Variants in ATP8B2 observed in about 807,000 individuals in gnomAD.
ATP8B2 encodes phospholipid-transporting ATPase ID.
A neutral mutation model predicts 133.4 loss-of-function variants in ATP8B2; 70 were observed. That is an observed-to-expected ratio of 0.52 (90% CI 0.43 to 0.64). The LOEUF is 0.64. Ranked by LOEUF, ATP8B2 falls within the 30% of genes least tolerant of loss-of-function variation. The pLI, the probability that ATP8B2 is intolerant of heterozygous loss-of-function variation, is 0.00. For synonymous variants in ATP8B2, 517 were observed against 589.5 expected, an observed-to-expected ratio of 0.88 and a Z score of 1.78; for missense variants, 1,101 against 1,535.7, an observed-to-expected ratio of 0.72 and a Z score of 4.73.
At chr1:154,329,930 G>A (rs1432964999) in intron 2 of ATP8B2, among the ~76,000 whole-genome samples, 1 of 152,132 alleles carries the variant, frequency 6.6e-6, no homozygotes, top group African/African-American at 2.4e-5. Flanking sequence ...CCTCCTTCTT[G>A]CCACCTACCC....
rs1394067706 is a variant in ATP8B2 at position 154,340,986 on chromosome 1, C to A, written c.1167C>A (p.Ile389=). 2 of 1,614,230 alleles carry A rather than the reference C, an allele frequency of 1.2e-6. No individual in the cohort carries two copies. Residue 389 remains isoleucine, a synonymous_variant, in exon 13 of 28, where the codon ATC becomes ATA. Coordinates refer to ENST00000368489, the MANE Select transcript of ATP8B2 (RefSeq NM_001370597.1). The surrounding 1 kb of genome is among the most constrained non-coding windows in gnomAD (Gnocchi z 4.0). ...AGGAGCTGGGCCAGGTGGAGTACAT[C>A]TTCTCCGACAAGACGGGCACCCTCA... is the stretch of plus-strand genomic sequence containing the variant. ...LNEELGQVEY[I]FSDKTGTLTQ...
rs148664360 is a variant in ATP8B2 at position 154,349,023 on chromosome 1, C to T, written c.3478C>T (p.Arg1160Cys). 22 of 1,614,232 alleles carry T rather than the reference C, an allele frequency of 1.4e-5. No homozygotes were observed. The highest frequency in any genetic ancestry group is 3.3e-4 in the Middle Eastern group (2 of 6,060). ...TCTCGCGCTCTCCAGCTTCACCACC[C>T]GCTCCAGCTCCAGCTGGATTGAGAG... is the stretch of plus-strand genomic sequence containing the variant. ...SSLALSSFTT[R>C]SSSSWIESLR... The change falls in exon 28 of 28, where the codon CGC (arginine) becomes TGC (cysteine). Residue 1160 changes from arginine (R) to cysteine (C), a missense_variant. By Grantham distance (180) the Arg-to-Cys change is radical. Coordinates refer to ENST00000368489, the MANE Select transcript of ATP8B2 (RefSeq NM_001370597.1).
rs779818181 is a variant in ATP8B2, at chr1:154,344,957, T to C, written c.2287-14T>C. 2 of 1,602,974 alleles carry C rather than the reference T, an allele frequency of 1.2e-6. No homozygotes were observed. The highest frequency in any genetic ancestry group is 2.7e-5 in the African/African-American group (2 of 74,650). ...CTGGAAAGACTGGCTCTCTCAGGTT[T>C]CTCTGTGCTCCAGGCCCACGCACTG... On this transcript the variant is annotated splice_polypyrimidine_tract_variant and intron_variant, in intron 21 of 27. Coordinates refer to ENST00000368489, the MANE Select transcript of ATP8B2 (RefSeq NM_001370597.1). This position sits in a 1 kb window ranked among gnomAD's most constrained non-coding sequence, Gnocchi z 4.1.
At chr1:154,341,324 A>C in intron 13 of ATP8B2, 1 of 509,596 alleles carries the variant, frequency 2.0e-6, no homozygotes, top group Non-Finnish European at 3.6e-6. Context: ...ATCCCTACAA[A>C]AAATTTAAAA....
At position 154,346,858 on chromosome 1, in the gene ATP8B2, C is replaced by T; in HGVS notation, c.3163+100C>T. 7.7e-7 allele frequency: 1 copy of T among 1,307,028 alleles called. No individual in the cohort carries two copies. Among genetic ancestry groups the T allele is most frequent in the Non-Finnish European group, 1.1e-6 (1 of 950,644 alleles). The allele number at this position is 1,307,028 out of a possible 1,614,324, so 81.0% of individuals were successfully genotyped here. A position where few individuals can be genotyped will look rare whatever the true frequency, so the allele number is the denominator to read the frequency against. On this transcript the variant is annotated intron_variant, in intron 26 of 27. Transcript: ENST00000368489. This position sits in a 1 kb window ranked among gnomAD's most constrained non-coding sequence, Gnocchi z 4.5. ...TGCACATTCAACATTTCTTATGTGC[C>T]AAGTATTCTGTTTATTTTATTTATT...
Position 154,330,456 on chromosome 1 carries a change from T to C in ATP8B2, c.90+2T>C. On this transcript the variant is annotated splice_donor_variant, in intron 3 of 27. Coordinates refer to ENST00000368489, the MANE Select transcript of ATP8B2 (RefSeq NM_001370597.1). LOFTEE classifies it high-confidence loss of function. ...TACAATGAGAAATTCCAGTATGCGG[T>C]AAGCGACTCTAGACCACCTGTTCCC... is the stretch of plus-strand genomic sequence containing the variant. The C allele has an allele frequency of 6.7e-7, 1 of 1,486,614 alleles. No homozygotes were observed. The highest frequency in any genetic ancestry group is 9.3e-7 in the Non-Finnish European group (1 of 1,080,472). 92.1% of individuals were successfully genotyped at this position (1,486,614 alleles called of 1,614,324 possible). A position where few individuals can be genotyped will look rare whatever the true frequency, so the allele number is the denominator to read the frequency against.
chr1:154,341,165 A>G, intron 13 of ATP8B2, 103 bp downstream of exon 13: 1 of 1,261,902 alleles, frequency 7.9e-7, no homozygotes, highest in South Asian at 1.3e-5. Flanking sequence ...CTTCCTTCCT[A>G]GTTGGGTCTG....
At position 154,350,917 on chromosome 1, in the gene ATP8B2, G is replaced by C. The variant is rs1686766704; in HGVS notation, c.*1799G>C. 1 of 150,658 alleles carries C rather than the reference G, an allele frequency of 6.6e-6. No individual in the cohort carries two copies. The highest frequency in any genetic ancestry group is 1.9e-4 in the East Asian group (1 of 5,146). The allele number at this position is 150,658 out of a possible 1,614,324, so 9.3% of individuals were successfully genotyped here. ...ATGGGAGCCCCAAAGGAACTGGATGGGCTGCAGTGAGGTGGGGGCGGGTGG... is the reference window on the plus strand; with the variant it reads ...ATGGGAGCCCCAAAGGAACTGGATGCGCTGCAGTGAGGTGGGGGCGGGTGG... On this transcript the variant is annotated 3_prime_UTR_variant, in exon 28 of 28. Coordinates refer to ENST00000368489, the MANE Select transcript of ATP8B2 (RefSeq NM_001370597.1).
chr1:154,333,973 C>A, intron 9 of ATP8B2, 134 bp from the exon 10 acceptor site: 1 of 1,097,526 alleles, frequency 9.1e-7, no homozygotes, highest in Non-Finnish European at 1.3e-6. Flanking sequence ...TCAGCTCACA[C>A]TCCTCCCAGC....
chr1:154,342,355 A>C (rs924273970), intron 13 of ATP8B2, 125 bp from the exon 14 acceptor site: 107 of 933,022 alleles, frequency 1.1e-4, no homozygotes, highest in Non-Finnish European at 1.8e-4. Context: ...ACACTGTGAC[A>C]GCTGCTCAGC....
At chr1:154,339,502 T>C (rs558961498) in intron 12 of ATP8B2, among the ~76,000 whole-genome samples, 2 of 152,346 alleles carry the variant, frequency 1.3e-5, no homozygotes, top group South Asian at 4.1e-4. Flanking sequence ...TGCATTACTA[T>C]TTAAATGCCT....
Position 154,348,452 on chromosome 1 carries a change from A to G in ATP8B2, c.3208A>G (p.Ile1070Val). The G allele has an allele frequency of 1.2e-6, 2 of 1,613,912 alleles. No individual in the cohort carries two copies. Among genetic ancestry groups the G allele is most frequent in the East Asian group, 4.5e-5 (2 of 44,872 alleles). ...TLAQPTVWLT[I>V]VLTTVVCIMP... is the part of the protein sequence containing the mutation. Reference sequence around the variant, plus strand: ...GGCCCAGCCCACGGTGTGGCTGACCATTGTGCTCACCACAGTCGTCTGCAT... The same window carrying G: ...GGCCCAGCCCACGGTGTGGCTGACCGTTGTGCTCACCACAGTCGTCTGCAT... Residue 1070 changes from isoleucine to valine, a missense_variant, in exon 27 of 28, where the codon ATT becomes GTT. Coordinates refer to ENST00000368489, the MANE Select transcript of ATP8B2 (RefSeq NM_001370597.1).
In ATP8B2 at chr1:154,330,461, G is replaced by T; in HGVS notation, c.90+7G>T. 1 of 1,613,508 alleles carries T rather than the reference G, an allele frequency of 6.2e-7. No individual in the cohort carries two copies. Among genetic ancestry groups the T allele is most frequent in the South Asian group, 1.1e-5 (1 of 91,038 alleles). On this transcript the variant is annotated splice_region_variant and intron_variant, in intron 3 of 27. Transcript: ENST00000368489. ...TGAGAAATTCCAGTATGCGGTAAGC[G>T]ACTCTAGACCACCTGTTCCCTCTCT... is the stretch of plus-strand genomic sequence containing the variant.
At position 154,328,049 on chromosome 1, in the gene ATP8B2, G is replaced by A. The variant is rs1685851170; in HGVS notation, c.-37-56G>A. The A allele has an allele frequency of 3.2e-6, 5 of 1,575,886 alleles. No homozygotes were observed. The East Asian group carries it at 1.1e-4, about 35-fold the overall frequency. ...GGGTCTTCAAAAGAGGTCTCATGAG[G>A]GGAGGGAAGGGTTATCCTCAGCTTC... On this transcript the variant is annotated intron_variant, in intron 1 of 27. Coordinates refer to ENST00000368489, the MANE Select transcript of ATP8B2 (RefSeq NM_001370597.1). The surrounding 1 kb of genome is among the most constrained non-coding windows in gnomAD (Gnocchi z 4.6).
Position 154,331,673 on chromosome 1 carries a change from G to T in ATP8B2, c.433G>T (p.Val145Leu). The T allele has an allele frequency of 1.9e-6, 3 of 1,614,080 alleles. No homozygotes were observed. The highest frequency in any genetic ancestry group is 2.5e-6 in the Non-Finnish European group (3 of 1,179,908). ...TATCAAGCTAGAAAATAACCAGTTT[G>T]TGGCGGTAAGGGACAGGGTACCCCT... is the stretch of plus-strand genomic sequence containing the variant. ...DIIKLENNQF[V>L]AADLLLLSSS... Residue 145 changes from valine to leucine, a missense_variant, in exon 7 of 28, where the codon GTG (valine) becomes TTG (leucine). Transcript: ENST00000368489. This position sits in a 1 kb window ranked among gnomAD's most constrained non-coding sequence, Gnocchi z 4.8.
rs568109427 is a variant in ATP8B2 at position 154,348,767 on chromosome 1, G to A, written c.3295-73G>A. ...CTGTGTCAGCCTGGTCCCGGGTGCT[G>A]TGGGTCCCTTCTCCTTGGCGATATC... On this transcript the variant is annotated intron_variant, in intron 27 of 27. Coordinates refer to ENST00000368489, the MANE Select transcript of ATP8B2 (RefSeq NM_001370597.1). 92 of 1,478,088 alleles carry A rather than the reference G, an allele frequency of 6.2e-5. 1 individual carries two copies. The African/African-American group carries it at 1.1e-3, about 18-fold the overall frequency. The allele number at this position is 1,478,088 out of a possible 1,614,324, so 91.6% of individuals were successfully genotyped here. A position where few individuals can be genotyped will look rare whatever the true frequency, so the allele number is the denominator to read the frequency against.
intron 13 of ATP8B2, among the ~76,000 whole-genome samples, chr1:154,342,148 T>C (rs964558223): frequency 6.6e-6 from 1 of 152,116 alleles, no homozygotes; most frequent in Non-Finnish European, 1.5e-5. Context: ...CCTTGTCTGC[T>C]GCTCAGGTCT....
chr1:154,329,052 G>T, intron 2 of ATP8B2: 1 of 1,303,120 alleles, frequency 7.7e-7, no homozygotes, highest in South Asian at 1.2e-5. Context: ...TCTTGGAGCC[G>T]AAAGAAGCCC....
rs1298987460 is a variant in ATP8B2 at position 154,346,603 on chromosome 1, A to G, written c.3025-17A>G. On this transcript the variant is annotated splice_polypyrimidine_tract_variant and intron_variant, in intron 25 of 27. Coordinates refer to ENST00000368489, the MANE Select transcript of ATP8B2 (RefSeq NM_001370597.1). The surrounding 1 kb of genome is among the most constrained non-coding windows in gnomAD (Gnocchi z 4.5). Reference sequence around the variant, plus strand: ...TTTTAGGGCGTGCGCCTGCCTGACTATGCCTACTTTCTGCAGATTGGGCTC... The same window carrying G: ...TTTTAGGGCGTGCGCCTGCCTGACTGTGCCTACTTTCTGCAGATTGGGCTC... 3 of 1,614,098 alleles carry G rather than the reference A, an allele frequency of 1.9e-6. No individual in the cohort carries two copies. The East Asian group carries it at 6.7e-5, about 36-fold the overall frequency.
Sources: allele counts gnomAD v4.1 joint callset (sites outside exome capture counted in the v4.1 genomes callset), GRCh38; gene constraint gnomAD v4.1.1; non-coding constraint Gnocchi (gnomAD v3.1); transcripts MANE v1.5; gene names NCBI Gene and HGNC (gene_info 2026-07-23, HGNC 2026-07-21).